COL4A3: variants seen among roughly 807,000 people sequenced by gnomAD.
COL4A3 encodes collagen type IV alpha 3 chain.
Under a neutral mutation model 217.4 loss-of-function variants are expected in COL4A3, and 135 were observed. The observed-to-expected ratio is 0.62, with a 90% CI of 0.54 to 0.72. The LOEUF is 0.72. COL4A3 is among the 30% of genes least tolerant of loss of function. The pLI, the probability that COL4A3 is intolerant of heterozygous loss-of-function variation, is 0.00. For synonymous variants in COL4A3, 690 were observed against 736.3 expected (o/e 0.94, Z 1.02); for missense variants, 1,868 against 2,119.9 (o/e 0.88, Z 2.33).
rs72371878 is a variant in COL4A3 at position 227,282,275 on chromosome 2, AATAT to A, written c.2489-67_2489-64del. The A allele has an allele frequency of 0.43, 150,481 of 351,710 alleles. 16,946 individuals carry two copies. The highest frequency in any genetic ancestry group is 0.46 in the Admixed American group (8,546 of 18,392). The allele number at this position is 351,710 out of a possible 1,614,324, so 21.8% of individuals were successfully genotyped here. A position where few individuals can be genotyped will look rare whatever the true frequency, so the allele number is the denominator to read the frequency against. ...AGACAGAGGGAGATTCCATCTTAAA[AATAT>A]ATATATATATATATATATATATTTC... On this transcript the variant is annotated intron_variant, in intron 31 of 51. Transcript: ENST00000396578. The surrounding 1 kb of genome is among the most constrained non-coding windows in gnomAD (Gnocchi z 4.4).
intron 45 of COL4A3, 40 bp downstream of exon 45, chr2:227,303,970 G>A (rs2073398806): frequency 2.5e-6 from 4 of 1,614,228 alleles, no homozygotes; most frequent in Non-Finnish European, 3.4e-6. Flanking sequence ...ATGAAGAAAG[G>A]TAACACATCC....
chr2:227,253,559 A>T lies in COL4A3; in HGVS notation c.688-2A>T. The T allele has an allele frequency of 6.2e-7, 1 of 1,612,898 alleles. No homozygotes were observed. Among genetic ancestry groups the T allele is most frequent in the Non-Finnish European group, 8.5e-7 (1 of 1,178,878 alleles). The stretch of plus-strand genomic sequence containing the variant: ...CTCACTCCTGAGTGTTTTTGTCTTT[A>T]GGGTGTGAAAGGGTTAACAGGACCC... On this transcript the variant is annotated splice_acceptor_variant, in intron 12 of 51. Coordinates refer to ENST00000396578, the MANE Select transcript of COL4A3 (RefSeq NM_000091.5). LOFTEE classifies it high-confidence loss of function. This position sits in a 1 kb window ranked among gnomAD's most constrained non-coding sequence, Gnocchi z 4.4.
chr2:227,224,876 G>C lies in COL4A3; in HGVS notation c.88-13092G>C, dbSNP rs12611464. ...TTGCTCTGAATGAATTTTCTTTTTT[G>C]TTATTAATTTTTATGTTTAGAAAAA... is the stretch of plus-strand genomic sequence containing the variant. On this transcript the variant is annotated intron_variant, in intron 1 of 51. Transcript: ENST00000396578. 4.6e-5 allele frequency among the ~76,000 whole-genome samples: 7 copies of C among 152,024 alleles called. No individual in the cohort carries two copies. The East Asian group carries it at 7.7e-4, about 17-fold the overall frequency.
Position 227,250,232 on chromosome 2 carries a change from G to A in COL4A3, c.547-908G>A, listed in dbSNP as rs969842598. ...GGAGGCTGAGGCAGGAGAATCACTTGAACCCGGGAGGCAGAGGCTGCAGTG... is the reference window on the plus strand; with the variant it reads ...GGAGGCTGAGGCAGGAGAATCACTTAAACCCGGGAGGCAGAGGCTGCAGTG... On this transcript the variant is annotated intron_variant, in intron 9 of 51. Coordinates refer to ENST00000396578, the MANE Select transcript of COL4A3 (RefSeq NM_000091.5). The surrounding 1 kb of genome is among the most constrained non-coding windows in gnomAD (Gnocchi z 4.1). Among the ~76,000 whole-genome samples, 1 of 152,090 alleles carries A rather than the reference G, an allele frequency of 6.6e-6. No homozygotes were observed.
chr2:227,254,270 T>TTA, intron 14 of COL4A3, 96 bp downstream of exon 14: 3 of 1,079,460 alleles, frequency 2.8e-6, no homozygotes, highest in South Asian at 2.7e-5. Context: ...TTTTTTTTTT[T>TTA]AAAGAAAGTA....
intron 43 of COL4A3, among the ~76,000 whole-genome samples, chr2:227,300,469 T>G (rs1046195215): frequency 2.6e-5 from 4 of 152,222 alleles, no homozygotes. Context: ...GCCTGCAATC[T>G]CTCAATTCAT....
Position 227,252,212 on chromosome 2 carries a change from CTTTT to C in COL4A3, c.645+857_645+860del, listed in dbSNP as rs72162625. Among the ~76,000 whole-genome samples, 793 of 82,842 alleles carry C rather than the reference CTTTT, an allele frequency of 9.6e-3. 7 individuals carry two copies. Among genetic ancestry groups the C allele is most frequent in the African/African-American group, 0.031 (751 of 23,880 alleles). The allele number at this position is 82,842 out of a possible 152,430, so 54.3% of individuals were successfully genotyped here. Reference sequence around the variant, plus strand: ...TAGCCTTTTATTTTATTCTTTCTTTCTTTTTTTTTTTTTTTTTTTGAGATGGAGT... The same window carrying C: ...TAGCCTTTTATTTTATTCTTTCTTTCTTTTTTTTTTTTTTTGAGATGGAGT... On this transcript the variant is annotated intron_variant, in intron 11 of 51. Coordinates refer to ENST00000396578, the MANE Select transcript of COL4A3 (RefSeq NM_000091.5).
chr2:227,175,766 A>G (rs1476045580), intron 1 of COL4A3, among the ~76,000 whole-genome samples: 1 of 152,212 alleles, frequency 6.6e-6, no homozygotes, highest in Non-Finnish European at 1.5e-5. Context: ...TTTAATGTTC[A>G]TGTTTAACAA....
At chr2:227,311,686 A>C (rs1362810932) in intron 51 of COL4A3, 100 bp from the exon 52 acceptor site, 1 of 1,253,150 alleles carries the variant, frequency 8.0e-7, no homozygotes, top group Non-Finnish European at 1.1e-6. Context: ...CCCTGTAATA[A>C]ATTTCAAAAT....
At chr2:227,254,545 T>A in intron 14 of COL4A3, 111 bp from the exon 15 acceptor site, 1 of 889,210 alleles carries the variant, frequency 1.1e-6, no homozygotes, top group Non-Finnish European at 1.9e-6. Context: ...GGCTCAGCAC[T>A]GAAACATGTT....
intron 28 of COL4A3, 136 bp downstream of exon 28, chr2:227,277,689 T>C (rs2071667069): frequency 1.5e-6 from 1 of 648,216 alleles, no homozygotes; most frequent in African/African-American, 1.8e-5. Flanking sequence ...AAATAGGAAA[T>C]ATCCATAATA....
chr2:227,215,456 T>G (rs1486079193), intron 1 of COL4A3, among the ~76,000 whole-genome samples: 2 of 152,126 alleles, frequency 1.3e-5, no homozygotes, highest in Non-Finnish European at 2.9e-5. Flanking sequence ...GTTTTTGTTT[T>G]TTGTTTGTTT....
intron 1 of COL4A3, among the ~76,000 whole-genome samples, chr2:227,176,515 T>C (rs913680280): frequency 6.6e-6 from 1 of 152,192 alleles, no homozygotes; most frequent in Non-Finnish European, 1.5e-5. Context: ...CTAGCGGTAG[T>C]TTTAGGGTAA....
rs957854274 is a variant in COL4A3, at chr2:227,191,816, A to T, written c.87+27003A>T. On this transcript the variant is annotated intron_variant, in intron 1 of 51. Transcript: ENST00000396578. This position sits in a 1 kb window ranked among gnomAD's most constrained non-coding sequence, Gnocchi z 6.8. ...TTTCATAATTAGTTTCTGGAACGCT[A>T]ATAATAAGAAGAACTTAGAATATTA... is the stretch of plus-strand genomic sequence containing the variant. Among the ~76,000 whole-genome samples, 1 of 152,252 alleles carries T rather than the reference A, an allele frequency of 6.6e-6. No homozygotes were observed. Among genetic ancestry groups the T allele is most frequent in the African/African-American group, 2.4e-5 (1 of 41,460 alleles).
chr2:227,293,170 A>C, intron 37 of COL4A3, 21 bp from the exon 38 acceptor site: 1 of 1,613,636 alleles, frequency 6.2e-7, no homozygotes, highest in South Asian at 1.1e-5. Context: ...AGAATTTTAA[A>C]GGTATTTGAC....
rs2066896371 is a variant in COL4A3 at position 227,203,277 on chromosome 2, GTGTA to G, written c.88-34689_88-34686del. 1.1e-4 allele frequency among the ~76,000 whole-genome samples: 4 copies of G among 35,540 alleles called. 2 individuals carry two copies. The South Asian group carries it at 4.0e-3, about 36-fold the overall frequency. 23.3% of individuals were successfully genotyped at this position (35,540 alleles called of 152,430 possible). A position where few individuals can be genotyped will look rare whatever the true frequency, so the allele number is the denominator to read the frequency against. Reference sequence around the variant, plus strand: ...TATATATACATATATGTGTATATATGTGTATATATACATATATGTGTATATATGT... The same window carrying G: ...TATATATACATATATGTGTATATATGTATATACATATATGTGTATATATGT... On this transcript the variant is annotated intron_variant, in intron 1 of 51. Transcript: ENST00000396578.
rs768260547 is a variant in COL4A3 at position 227,297,780 on chromosome 2, A to G, written c.3672A>G (p.Pro1224=). ...PRGPTGIEGF[P]GPPGLPGAII... The stretch of plus-strand genomic sequence containing the variant: ...GACCCACAGGCATAGAAGGATTCCC[A>G]GGGCCACCAGGTCTGCCCGGTGCAA... Residue 1224 remains proline, a synonymous_variant, in exon 42 of 52, where the codon CCA becomes CCG. Transcript: ENST00000396578. 19 of 1,585,756 alleles carry G rather than the reference A, an allele frequency of 1.2e-5. No homozygotes were observed. In the South Asian group the frequency reaches 2.1e-4, roughly 17 times the overall value.
chr2:227,245,841 A>G, intron 5 of COL4A3, 113 bp from the exon 6 acceptor site: 1 of 845,636 alleles, frequency 1.2e-6, no homozygotes, highest in Non-Finnish European at 2.1e-6. Flanking sequence ...CTACTTAACC[A>G]TTTAAACAAT....
intron 1 of COL4A3, among the ~76,000 whole-genome samples, chr2:227,173,393 C>T (rs1416159515): frequency 6.6e-6 from 1 of 152,154 alleles, no homozygotes; most frequent in African/African-American, 2.4e-5. Flanking sequence ...CCAGGTTCCA[C>T]GTTGATCTCC....
Sources: gnomAD v4.1 joint callset for allele counts (sites outside exome capture counted in the v4.1 genomes callset) on GRCh38, gnomAD v4.1.1 for gene constraint, Gnocchi (gnomAD v3.1) non-coding constraint, MANE v1.5 for transcripts, NCBI Gene and HGNC (gene_info 2026-07-23, HGNC 2026-07-21) for gene names.